The following AHDC1 variants were observed in gnomAD, a reference collection of about 807,000 sequenced individuals.
AHDC1 encodes transcription factor Gibbin.
In AHDC1, 7 loss-of-function variants were observed where a neutral mutation model predicts 87.9. The observed-to-expected ratio is 0.08, with a 90% CI of 0.05 to 0.15. AHDC1 has a LOEUF of 0.15. Ranked by LOEUF, AHDC1 falls within the 10% of genes least tolerant of loss-of-function variation. The pLI, the probability that AHDC1 is intolerant of heterozygous loss-of-function variation, is 1.00. For missense variants in AHDC1, 1,841 were observed against 2,253.2 expected (o/e 0.82, Z 3.70); for synonymous variants, 1,051 against 1,006.8 (o/e 1.04, Z -0.83).
At position 27,550,867 on chromosome 1, in the gene AHDC1, G is replaced by C. The variant is rs1174939702; in HGVS notation, c.1249C>G (p.Pro417Ala). 3 of 1,581,480 alleles carry C rather than the reference G, an allele frequency of 1.9e-6. No individual in the cohort carries two copies. The highest frequency in any genetic ancestry group is 2.6e-6 in the Non-Finnish European group (3 of 1,168,426). Residue 417 changes from proline (P) to alanine (A), a missense_variant, in exon 8 of 9, where the codon CCT becomes GCT. Transcript: ENST00000673934. ...GCAGCCACCAGCCCCGTGGGCATAG[G>C]CAGGGGCAGTAGGCGGCCCTCGGGT... is the stretch of plus-strand genomic sequence containing the variant. ...AGPEGRLLPL[P>A]MPTGLVAALA...
Position 27,550,721 on chromosome 1 carries a change from T to A in AHDC1, c.1395A>T (p.Lys465Asn), listed in dbSNP as rs765328564. The A allele has an allele frequency of 3.7e-6, 6 of 1,601,314 alleles. No homozygotes were observed. The South Asian group carries it at 5.6e-5, about 15-fold the overall frequency. The change falls in exon 8 of 9, where the codon AAA becomes AAT. Residue 465 changes from lysine to asparagine, a missense_variant. This residue lies in a region of AHDC1 where 370 missense variants were observed against 391.5 expected (regional missense o/e 0.95). Coordinates refer to ENST00000673934, the MANE Select transcript of AHDC1 (RefSeq NM_001371928.1). The stretch of plus-strand genomic sequence containing the variant: ...TGCGCCGCACGCCCCGGCACTTGCC[T>A]TTGCGGGTAGAGACCACTGGGGTCT... ...SSQTPVVSTR[K>N]GKCRGVRRMV...
chr1:27,540,670 G>A (rs1187478620), intron 8 of AHDC1, among the ~76,000 whole-genome samples: 2 of 152,108 alleles, frequency 1.3e-5, no homozygotes, highest in African/African-American at 4.8e-5. Context: ...GGGCCACCCA[G>A]GCCAGGAACA....
intron 5 of AHDC1, among the ~76,000 whole-genome samples, chr1:27,554,823 C>T (rs1436525429): frequency 6.6e-6 from 1 of 152,206 alleles, no homozygotes; most frequent in East Asian, 1.9e-4. Flanking sequence ...AGAGACACTT[C>T]TCTACTCCCC....
rs1004028233 is a variant in AHDC1 at position 27,562,476 on chromosome 1, G to A, written c.-628-3593C>T. 1.3e-5 allele frequency among the ~76,000 whole-genome samples: 2 copies of A among 152,112 alleles called. No individual in the cohort carries two copies. Among genetic ancestry groups the A allele is most frequent in the Non-Finnish European group, 2.9e-5 (2 of 67,988 alleles). ...CAGGCCCTCAGGGACACAGCCCCCT[G>A]CCTCCCATGCAAACCCTGCCTTGGT... On this transcript the variant is annotated intron_variant, in intron 3 of 8. Transcript: ENST00000673934. This position sits in a 1 kb window ranked among gnomAD's most constrained non-coding sequence, Gnocchi z 4.4.
Position 27,548,643 on chromosome 1 carries a change from G to A in AHDC1, c.3473C>T (p.Ala1158Val), listed in dbSNP as rs1363497917. The stretch of plus-strand genomic sequence containing the variant: ...TGACTCAGAGAAGGTCTCCGACACA[G>A]CCGTCTGCTGCTTCACCTTCTGCGG... ...YTPQKVKQQT[A>V]VSETFSESSS... Residue 1158 changes from alanine to valine, a missense_variant, in exon 8 of 9, where the codon GCT becomes GTT. By Grantham distance (64) the Ala-to-Val change is moderately conservative. Transcript: ENST00000673934. The A allele has an allele frequency of 6.2e-7, 1 of 1,613,462 alleles. No homozygotes were observed.
At chr1:27,568,549 C>T (rs1020703303) in intron 3 of AHDC1, among the ~76,000 whole-genome samples, 29 of 152,190 alleles carry the variant, frequency 1.9e-4, no homozygotes, top group Non-Finnish European at 3.5e-4. Flanking sequence ...GCCGACTCCA[C>T]CCACGGCGCG....
intron 8 of AHDC1, among the ~76,000 whole-genome samples, chr1:27,546,113 C>G (rs1352975929): frequency 6.6e-6 from 1 of 152,182 alleles, no homozygotes; most frequent in African/African-American, 2.4e-5. Context: ...GAGAAACTCC[C>G]AGGAAGCTTC....
intron 3 of AHDC1, chr1:27,568,290 T>TAATC (rs1411818887): frequency 6.6e-6 from 1 of 152,078 alleles, no homozygotes; most frequent in African/African-American, 2.4e-5. Flanking sequence ...AGGGTGCGGG[T>TAATC]AATCAGAAAA....
intron 7 of AHDC1, chr1:27,552,416 T>G (rs1378832375): frequency 3.1e-6 from 1 of 326,576 alleles, no homozygotes; most frequent in Non-Finnish European, 5.5e-6. Context: ...TTTTTTTTTT[T>G]GGAAGAGAGT....
chr1:27,600,231 C>A (rs1293392402), intron 3 of AHDC1, among the ~76,000 whole-genome samples: 1 of 151,922 alleles, frequency 6.6e-6, no homozygotes, highest in Non-Finnish European at 1.5e-5. Flanking sequence ...ACAATGTTAC[C>A]CTTGCTTCCT....
chr1:27,556,120 C>T (rs1366461550), intron 5 of AHDC1, among the ~76,000 whole-genome samples: 1 of 152,132 alleles, frequency 6.6e-6, no homozygotes, highest in African/African-American at 2.4e-5. Flanking sequence ...CTGGGGGCCC[C>T]AACCTGCTGT....
At chr1:27,536,491 T>G (rs983944705) in intron 8 of AHDC1, among the ~76,000 whole-genome samples, 3 of 151,986 alleles carry the variant, frequency 2.0e-5, no homozygotes, top group African/African-American at 7.3e-5. Context: ...AATGGGGTGA[T>G]AGGTAGAAAA....
Position 27,561,701 on chromosome 1 carries a change from G to A in AHDC1, c.-628-2818C>T, listed in dbSNP as rs2020093097. ...AGAGAGAGAGAGGAAAAGACAGAGA[G>A]AGAGAGCGTGCCAGAGGGAGAGAGG... is the stretch of plus-strand genomic sequence containing the variant. On this transcript the variant is annotated intron_variant, in intron 3 of 8. Coordinates refer to ENST00000673934, the MANE Select transcript of AHDC1 (RefSeq NM_001371928.1). This position sits in a 1 kb window ranked among gnomAD's most constrained non-coding sequence, Gnocchi z 4.2. Among the ~76,000 whole-genome samples, 1 of 152,152 alleles carries A rather than the reference G, an allele frequency of 6.6e-6. No homozygotes were observed. Among genetic ancestry groups the A allele is most frequent in the Non-Finnish European group, 1.5e-5 (1 of 68,032 alleles).
chr1:27,587,696 G>A (rs1199308187), intron 3 of AHDC1, among the ~76,000 whole-genome samples: 1 of 152,112 alleles, frequency 6.6e-6, no homozygotes, highest in Non-Finnish European at 1.5e-5. Flanking sequence ...CTCAGAAGAT[G>A]CTCAGTAAAT....
Position 27,548,330 on chromosome 1 carries a change from G to T in AHDC1, c.3786C>A (p.Ser1262=). The T allele has an allele frequency of 6.2e-7, 1 of 1,606,888 alleles. No individual in the cohort carries two copies. The highest frequency in any genetic ancestry group is 1.1e-5 in the South Asian group (1 of 90,954). Residue 1262 remains serine (S), a synonymous_variant, in exon 8 of 9, where the codon TCC becomes TCA. Transcript: ENST00000673934. The part of the protein sequence containing the change: ...SASAAASGYP[S]KRSTGPRQPR... ...GCTGCCGGGGCCCAGTGCTCCGTTTGGATGGGTAGCCTGAGGCAGCGGCAG... is the reference window on the plus strand; with the variant it reads ...GCTGCCGGGGCCCAGTGCTCCGTTTTGATGGGTAGCCTGAGGCAGCGGCAG...
chr1:27,599,733 G>A (rs2089478911), intron 3 of AHDC1, among the ~76,000 whole-genome samples: 3 of 152,068 alleles, frequency 2.0e-5, no homozygotes, highest in Admixed American at 2.0e-4. Context: ...CCTGTAGGGT[G>A]CAGTACCTGC....
intron 3 of AHDC1, among the ~76,000 whole-genome samples, chr1:27,589,728 T>A (rs138637499): frequency 6.6e-6 from 1 of 152,234 alleles, no homozygotes; most frequent in East Asian, 1.9e-4. Flanking sequence ...TGTGAGGGGT[T>A]TGTCACAGAC....
chr1:27,566,477 G>C (rs944056775), intron 3 of AHDC1, among the ~76,000 whole-genome samples: 2 of 151,956 alleles, frequency 1.3e-5, no homozygotes, highest in African/African-American at 2.4e-5. Context: ...GAAGGAACCT[G>C]AGGAGTCTGC....
chr1:27,536,915 A>T (rs1369582136), intron 8 of AHDC1, among the ~76,000 whole-genome samples: 1 of 132,128 alleles, frequency 7.6e-6, no homozygotes, highest in Admixed American at 8.8e-5. Flanking sequence ...CCAGGTCTCC[A>T]TGGTGATCTC....
Sources: gnomAD v4.1 joint callset for allele counts (sites outside exome capture counted in the v4.1 genomes callset) on GRCh38, gnomAD v4.1.1 for gene constraint, gnomAD v4.1.1 regional missense constraint, Gnocchi (gnomAD v3.1) non-coding constraint, MANE v1.5 for transcripts, NCBI Gene and HGNC (gene_info 2026-07-23, HGNC 2026-07-21) for gene names.